HPRT1: variants seen among roughly 807,000 people sequenced by gnomAD.
HPRT1 encodes the protein hypoxanthine-guanine phosphoribosyltransferase.
A neutral mutation model predicts 19.0 loss-of-function variants in HPRT1; 4 were observed. The ratio of observed to expected loss-of-function variants is 0.21; its 90% confidence interval spans 0.10 to 0.48. The LOEUF (loss-of-function observed/expected upper bound fraction) is 0.48. HPRT1 is among the 20% of genes least tolerant of loss of function. The probability of loss-of-function intolerance (pLI) is 0.98; values close to 1 mark genes in which losing one functional copy is unlikely to be tolerated. For missense variants in HPRT1, 65 were observed against 164.0 expected, an observed-to-expected ratio of 0.40 and a Z score of 3.30; for synonymous variants, 53 against 54.9, an observed-to-expected ratio of 0.97 and a Z score of 0.15.
intron 6 of HPRT1, among the ~76,000 whole-genome samples, chrX:134,494,966 G>A (rs1034662239): frequency 1.8e-5 from 2 of 111,170 alleles, no homozygotes; most frequent in Non-Finnish European, 3.8e-5. Context: ...TGAACCCCAC[G>A]TCAGTGCTGC....
rs779782849 is a variant in HPRT1, at chrX:134,471,239, G to A, written c.28-2120G>A. On this transcript the variant is annotated intron_variant, in intron 1 of 8. Coordinates refer to ENST00000298556, the MANE Select transcript of HPRT1 (RefSeq NM_000194.3). The stretch of plus-strand genomic sequence containing the variant: ...AAAAAAATTTAGAATATATAGCAAA[G>A]CAATAAAGAACTAAATAAAATTGCT... Among the ~76,000 whole-genome samples, 59 of 111,280 alleles carry A rather than the reference G, an allele frequency of 5.3e-4. 1 individual carries two copies. Among genetic ancestry groups the A allele is most frequent in the African/African-American group, 1.8e-3 (56 of 30,768 alleles).
chrX:134,465,979 A>G (rs2077595834), intron 1 of HPRT1, among the ~76,000 whole-genome samples: 2 of 109,969 alleles, frequency 1.8e-5, no homozygotes, highest in Non-Finnish European at 1.9e-5. Context: ...CTGAGCATTT[A>G]TGTCCTCCCA....
intron 2 of HPRT1, among the ~76,000 whole-genome samples, chrX:134,474,037 A>G (rs1184262051): frequency 1.8e-5 from 2 of 112,426 alleles, no homozygotes; most frequent in African/African-American, 6.4e-5. Flanking sequence ...CTATGCATGT[A>G]TACTATATGC....
At chrX:134,492,168 G>A (rs2124301337) in intron 5 of HPRT1, among the ~76,000 whole-genome samples, 1 of 104,615 alleles carries the variant, frequency 9.6e-6, no homozygotes, top group East Asian at 3.0e-4. Context: ...TGGTATTATA[G>A]GCATGAGCCA....
At position 134,486,482 on chromosome X, in the gene HPRT1, G is replaced by A. The variant is rs754484997; in HGVS notation, c.336G>A (p.Gly112=). Residue 112 remains glycine, a synonymous_variant, in exon 4 of 9, where the codon GGG becomes GGA. Coordinates refer to ENST00000298556, the MANE Select transcript of HPRT1 (RefSeq NM_000194.3). ...LKSYCNDQST[G]DIKVIGGDDL... is the part of the protein sequence containing the mutation. ...TTAACTAGAATGACCAGTCAACAGGGGACATAAAAGTAATTGGTGGAGATG... is the reference window on the plus strand; with the variant it reads ...TTAACTAGAATGACCAGTCAACAGGAGACATAAAAGTAATTGGTGGAGATG... The A allele has an allele frequency of 7.8e-6, 9 of 1,146,600 alleles. No homozygotes were observed. The Admixed American group carries it at 1.1e-4, about 14-fold the overall frequency. The allele number at this position is 1,146,600 out of a possible 1,213,427, so 94.5% of individuals were successfully genotyped here.
At chrX:134,496,888 G>T (rs1045555482) in intron 6 of HPRT1, among the ~76,000 whole-genome samples, 6 of 111,807 alleles carry the variant, frequency 5.4e-5, no homozygotes, top group Admixed American at 2.8e-4. Flanking sequence ...ATCACTTTGG[G>T]CCCTTTCCAG....
intron 6 of HPRT1, among the ~76,000 whole-genome samples, chrX:134,494,278 G>T (rs1427748549): frequency 8.9e-6 from 1 of 112,170 alleles, no homozygotes; most frequent in African/African-American, 3.2e-5. Flanking sequence ...TTTTAATAGA[G>T]TGACATCAAA....
chrX:134,479,167 C>T (rs752778616), intron 3 of HPRT1, among the ~76,000 whole-genome samples: 6 of 111,594 alleles, frequency 5.4e-5, no homozygotes, highest in African/African-American at 1.6e-4. Flanking sequence ...GGCAATGTAG[C>T]GAGACGCCAT....
intron 1 of HPRT1, among the ~76,000 whole-genome samples, chrX:134,472,868 C>T (rs1452863667): frequency 9.0e-6 from 1 of 111,126 alleles, no homozygotes; most frequent in East Asian, 2.8e-4. Flanking sequence ...AGCCACCGCG[C>T]CCAGCCTGTT....
At chrX:134,496,130 CTG>C (rs2077679789) in intron 6 of HPRT1, among the ~76,000 whole-genome samples, 4 of 111,885 alleles carry the variant, frequency 3.6e-5, no homozygotes, top group Non-Finnish European at 7.5e-5. Context: ...TATAGTAACT[CTG>C]TGTTTAACAT....
At chrX:134,499,976 C>A in intron 8 of HPRT1, 54 bp from the exon 9 acceptor site, 1 of 829,151 alleles carries the variant, frequency 1.2e-6, no homozygotes, top group South Asian at 2.0e-5. Context: ...CTATTCTTGC[C>A]TTTCATTTCA....
chrX:134,481,596 C>T (rs1181316534), intron 3 of HPRT1, among the ~76,000 whole-genome samples: 1 of 110,079 alleles, frequency 9.1e-6, no homozygotes, highest in African/African-American at 3.3e-5. Flanking sequence ...TTTATTGAAT[C>T]GAGACCATAG....
chrX:134,490,456 CTATT>C lies in HPRT1; in HGVS notation c.402+255_402+258del, dbSNP rs1284377050. On this transcript the variant is annotated intron_variant, in intron 5 of 8. Transcript: ENST00000298556. ...TCTTTCTAAACATAACTCTCTCTCT[CTATT>C]TATCTATATATAATATATACATATA... is the stretch of plus-strand genomic sequence containing the variant. Among the ~76,000 whole-genome samples, 5 of 100,039 alleles carry C rather than the reference CTATT, an allele frequency of 5.0e-5. No homozygotes were observed. In the South Asian group the frequency reaches 1.8e-3, roughly 36 times the overall value. The allele number at this position is 100,039 out of a possible 115,157, so 86.9% of individuals were successfully genotyped here. A position where few individuals can be genotyped will look rare whatever the true frequency, so the allele number is the denominator to read the frequency against.
intron 5 of HPRT1, 47 bp from the exon 6 acceptor site, chrX:134,493,461 A>G (rs764842798): frequency 3.3e-6 from 3 of 917,910 alleles, no homozygotes; most frequent in Non-Finnish European, 1.6e-6. Flanking sequence ...GGTACTTTAT[A>G]TTGTGACTCT....
intron 3 of HPRT1, among the ~76,000 whole-genome samples, chrX:134,484,610 A>G (rs1193803162): frequency 8.9e-6 from 1 of 112,521 alleles, no homozygotes; most frequent in Non-Finnish European, 1.9e-5. Flanking sequence ...AATTGCTGTT[A>G]CAAATTTGTT....
chrX:134,472,670 G>GCCTCAGCCTCCCGGGTACAAGCA (rs2077613273), intron 1 of HPRT1, among the ~76,000 whole-genome samples: 1 of 110,218 alleles, frequency 9.1e-6, no homozygotes, highest in South Asian at 3.9e-4. Flanking sequence ...GGGTACAAGC[G>GCCTCAGCCTCCCGGGTACAAGCA]ATTCTCCTGC....
At chrX:134,469,627 G>A (rs1267196767) in intron 1 of HPRT1, among the ~76,000 whole-genome samples, 1 of 111,781 alleles carries the variant, frequency 8.9e-6, no homozygotes, top group Non-Finnish European at 1.9e-5. Context: ...TTTGATAGAT[G>A]CAGTAATCGT....
rs1298090374 is a variant in HPRT1, at chrX:134,460,184, G to C, written c.-128G>C. ...CTCCTCAGCTTCAGGCGGCTGCGAC[G>C]AGCCCTCAGGCGAACCTCTCGGCTT... is the stretch of plus-strand genomic sequence containing the variant. On this transcript the variant is annotated 5_prime_UTR_variant, in exon 1 of 9. Transcript: ENST00000298556. 2.6e-5 allele frequency: 18 copies of C among 690,116 alleles called. No homozygotes were observed. Among genetic ancestry groups the C allele is most frequent in the East Asian group, 4.8e-5 (1 of 20,957 alleles). The allele number at this position is 690,116 out of a possible 1,213,427, so 56.9% of individuals were successfully genotyped here. A position where few individuals can be genotyped will look rare whatever the true frequency, so the allele number is the denominator to read the frequency against.
At chrX:134,494,816 A>C (rs187982422) in intron 6 of HPRT1, among the ~76,000 whole-genome samples, 1 of 111,767 alleles carries the variant, frequency 8.9e-6, no homozygotes, top group Non-Finnish European at 1.9e-5. Flanking sequence ...GAATTGAGAT[A>C]GACTGGTTCG....
Sources: allele counts gnomAD v4.1 joint callset (sites outside exome capture counted in the v4.1 genomes callset), GRCh38; gene constraint gnomAD v4.1.1; transcripts MANE v1.5; gene names NCBI Gene and HGNC (gene_info 2026-07-23, HGNC 2026-07-21).